The following RYR3 variants were observed in gnomAD, a reference collection of about 807,000 sequenced individuals.
The protein encoded by RYR3 is ryanodine receptor 3.
A neutral mutation model predicts 584.3 loss-of-function variants in RYR3; 207 were observed. That is an observed-to-expected ratio of 0.35 (90% CI 0.32 to 0.40). The LOEUF is 0.40. Among genes scored for constraint, RYR3 ranks in the 10% least tolerant of loss-of-function variants. The pLI, the probability that RYR3 is intolerant of heterozygous loss-of-function variation, is 1.00. For synonymous variants in RYR3, 2,416 were observed against 2,248.5 expected (o/e 1.07, Z -2.11); for missense variants, 5,616 against 6,089.2 (o/e 0.92, Z 2.59).
intron 85 of RYR3, among the ~76,000 whole-genome samples, chr15:33,827,713 A>G (rs1280266721): frequency 1.3e-5 from 2 of 151,932 alleles, no homozygotes; most frequent in Non-Finnish European, 2.9e-5. Context: ...GGAAGCCCAA[A>G]TTATATTGAA....
At chr15:33,399,091 A>G (rs1304031300) in intron 1 of RYR3, among the ~76,000 whole-genome samples, 2 of 152,214 alleles carry the variant, frequency 1.3e-5, no homozygotes, top group Non-Finnish European at 2.9e-5. Context: ...CATGGTAAAG[A>G]GCACAGGCTT....
chr15:33,496,297 A>G (rs992797901), intron 2 of RYR3, among the ~76,000 whole-genome samples: 2 of 152,222 alleles, frequency 1.3e-5, no homozygotes, highest in African/African-American at 4.8e-5. Flanking sequence ...ACCAGCAGAC[A>G]TAATGCCCCT....
chr15:33,675,424 A>AC (rs2064114975), intron 38 of RYR3, among the ~76,000 whole-genome samples: 1 of 152,236 alleles, frequency 6.6e-6, no homozygotes, highest in East Asian at 1.9e-4. Context: ...CTTGTCACTT[A>AC]TGTAATAACA....
chr15:33,837,091 T>C (rs1431727845), intron 88 of RYR3, 104 bp downstream of exon 88: 6 of 951,396 alleles, frequency 6.3e-6, no homozygotes, highest in Non-Finnish European at 9.5e-6. Flanking sequence ...ACTGATGCCA[T>C]ATGACATTGG....
chr15:33,500,906 C>T (rs1447463021), intron 2 of RYR3, among the ~76,000 whole-genome samples: 2 of 152,140 alleles, frequency 1.3e-5, no homozygotes, highest in African/African-American at 2.4e-5. Context: ...ACAAGTTTTT[C>T]GTTGTTTTGT....
At chr15:33,646,954 A>G (rs754005638) in intron 29 of RYR3, among the ~76,000 whole-genome samples, 9 of 152,196 alleles carry the variant, frequency 5.9e-5, no homozygotes, top group African/African-American at 1.7e-4. Flanking sequence ...TTCATGGGCA[A>G]TGTGACTTCT....
chr15:33,316,151 T>G (rs1302540170), intron 1 of RYR3, among the ~76,000 whole-genome samples: 1 of 152,176 alleles, frequency 6.6e-6, no homozygotes, highest in Non-Finnish European at 1.5e-5. Context: ...GGAATTTATC[T>G]GGAGAGAAAA....
At chr15:33,344,975 G>A (rs1180754405) in intron 1 of RYR3, among the ~76,000 whole-genome samples, 1 of 152,212 alleles carries the variant, frequency 6.6e-6, no homozygotes, top group Non-Finnish European at 1.5e-5. Context: ...TTTGCAGGTA[G>A]GAAGGAGGCT....
In RYR3 at chr15:33,860,606, G is replaced by T; in HGVS notation, c.14311G>T (p.Asp4771Tyr). The T allele has an allele frequency of 6.3e-7, 1 of 1,585,978 alleles. No homozygotes were observed. The highest frequency in any genetic ancestry group is 8.6e-7 in the Non-Finnish European group (1 of 1,164,338). The change falls in exon 101 of 104, where the codon GAT becomes TAT. Residue 4771 changes from aspartate to tyrosine, a missense_variant. Asp to Tyr is a radical substitution (Grantham distance 160). Around this residue, in one of 9 missense-constraint regions of RYR3, gnomAD observed 918 missense variants for 887.4 expected, o/e 1.03. Coordinates refer to ENST00000634891, the MANE Select transcript of RYR3 (RefSeq NM_001036.6). ...LLAIIQGLII[D>Y]AFGELRDQQE... is the part of the protein sequence containing the mutation. The stretch of plus-strand genomic sequence containing the variant: ...ATTTAACATTCCAGGTCTTATTATT[G>T]ATGCTTTCGGAGAGCTAAGAGACCA...
At chr15:33,700,291 G>C (rs150747695) in intron 41 of RYR3, among the ~76,000 whole-genome samples, 2 of 152,174 alleles carry the variant, frequency 1.3e-5, no homozygotes, top group African/African-American at 4.8e-5. Flanking sequence ...TTTCCTTAGC[G>C]GGGAGGCAGA....
chr15:33,764,308 T>A (rs1018501267), intron 60 of RYR3, among the ~76,000 whole-genome samples: 13 of 152,142 alleles, frequency 8.5e-5, no homozygotes, highest in African/African-American at 3.1e-4. Context: ...ACACTCATTC[T>A]CAGCAAACTA....
intron 1 of RYR3, among the ~76,000 whole-genome samples, chr15:33,396,387 G>A (rs1399081072): frequency 9.9e-5 from 15 of 152,132 alleles, no homozygotes; most frequent in Non-Finnish European, 1.8e-4. Context: ...TGACAATTGT[G>A]GTTGTCACCT....
intron 2 of RYR3, among the ~76,000 whole-genome samples, chr15:33,490,145 C>A (rs888455520): frequency 6.6e-6 from 1 of 152,160 alleles, no homozygotes; most frequent in Non-Finnish European, 1.5e-5. Context: ...CAAAGTGTTC[C>A]TAACTCAAGG....
intron 1 of RYR3, among the ~76,000 whole-genome samples, chr15:33,435,338 T>A (rs2045581080): frequency 7.7e-6 from 1 of 130,596 alleles, no homozygotes; most frequent in Admixed American, 7.2e-5. Flanking sequence ...GTTAATGTTG[T>A]GAGTTTCACG....
chr15:33,806,934 T>C (rs77263801), intron 69 of RYR3, among the ~76,000 whole-genome samples: 1 of 151,572 alleles, frequency 6.6e-6, no homozygotes, highest in African/African-American at 2.4e-5. Flanking sequence ...TTTTTTTTTT[T>C]TGTAAAGACA....
chr15:33,819,675 A>AAAATAAATAAATAAATAAATAAATAAAT, intron 76 of RYR3, 81 bp from the exon 77 acceptor site: 1 of 625,926 alleles, frequency 1.6e-6, no homozygotes, highest in South Asian at 4.2e-5. Context: ...CTCTGTCTCA[A>AAAATAAATAAATAAATAAATAAATAAAT]AAATAAATAA....
At chr15:33,845,265 G>T (rs904788894) in intron 93 of RYR3, among the ~76,000 whole-genome samples, 2 of 152,078 alleles carry the variant, frequency 1.3e-5, no homozygotes, top group Non-Finnish European at 2.9e-5. Context: ...TGTTGTTGTT[G>T]TTTTTGAGAT....
chr15:33,344,771 G>A (rs537181887), intron 1 of RYR3, among the ~76,000 whole-genome samples: 42 of 152,222 alleles, frequency 2.8e-4, no homozygotes, highest in African/African-American at 9.9e-4. Context: ...CACTGCTTCA[G>A]CCACTACAAA....
chr15:33,698,129 G>T, intron 40 of RYR3, 133 bp downstream of exon 40: 1 of 663,092 alleles, frequency 1.5e-6, no homozygotes. Flanking sequence ...TAGGCACAGT[G>T]CCAAGAAGGA....
Sources: gnomAD v4.1 joint callset for allele counts (sites outside exome capture counted in the v4.1 genomes callset) on GRCh38, gnomAD v4.1.1 for gene constraint, gnomAD v4.1.1 regional missense constraint, MANE v1.5 for transcripts, NCBI Gene and HGNC (gene_info 2026-07-23, HGNC 2026-07-21) for gene names.